The following LPO variants were observed in gnomAD, a reference collection of about 807,000 sequenced individuals.
LPO encodes salivary peroxidase.
LPO carries 70 observed loss-of-function variants against 68.4 expected under a neutral mutation model. The observed-to-expected ratio is 1.02, with a 90% CI of 0.84 to 1.25. The LOEUF (loss-of-function observed/expected upper bound fraction) is 1.25. LPO is among the 50% of genes most tolerant of loss of function. LPO has a pLI of 0.00. For missense variants in LPO, 873 were observed against 908.4 expected (o/e 0.96, Z 0.50); for synonymous variants, 360 against 357.6 (o/e 1.01, Z -0.08).
rs1032658940 is a variant in LPO, at chr17:58,238,735, G to A, written c.-7G>A. 1.3e-5 allele frequency: 2 copies of A among 152,112 alleles called. No homozygotes were observed. Among genetic ancestry groups the A allele is most frequent in the Admixed American group, 6.5e-5 (1 of 15,270 alleles). 9.4% of individuals were successfully genotyped at this position (152,112 alleles called of 1,614,324 possible). A position where few individuals can be genotyped will look rare whatever the true frequency, so the allele number is the denominator to read the frequency against. On this transcript the variant is annotated 5_prime_UTR_variant, in exon 1 of 13. Coordinates refer to ENST00000262290, the MANE Select transcript of LPO (RefSeq NM_006151.3). The stretch of plus-strand genomic sequence containing the variant: ...GCTGCCGTGAAAAGACAAGGCACTG[G>A]GCAGGTAAGACTCGTCAACTTTCAT...
chr17:58,241,006 T>G (rs566964459), intron 1 of LPO, among the ~76,000 whole-genome samples: 1 of 152,098 alleles, frequency 6.6e-6, no homozygotes, highest in Non-Finnish European at 1.5e-5. Context: ...GTTCTAGAGA[T>G]CCATTGTGCA....
At position 58,252,257 on chromosome 17, in the gene LPO, A is replaced by G. The variant is rs1969972418; in HGVS notation, c.856A>G (p.Thr286Ala). 6.2e-7 allele frequency: 1 copy of G among 1,613,418 alleles called. No homozygotes were observed. The highest frequency in any genetic ancestry group is 1.7e-5 in the Admixed American group (1 of 59,948). Residue 286 changes from threonine (T) to alanine (A), a missense_variant, in exon 8 of 13, where the codon ACT becomes GCT. Physicochemically the swap from Thr to Ala is moderately conservative, Grantham distance 58. Transcript: ENST00000262290. ...CTTCCGAGCTGGGTTCGTCTGCCCC[A>G]CTCCACCCTACAAGTCCCTGGCCCG... ...PFFRAGFVCP[T>A]PPYKSLAREQ...
chr17:58,250,404 T>G lies in LPO; in HGVS notation c.574-11T>G, dbSNP rs748661703. ...CTCTAATCTGCCCTCCCCTTCTCTC[T>G]CCATCTGTAGGCCCGGGAGGTATCT... On this transcript the variant is annotated splice_polypyrimidine_tract_variant and intron_variant, in intron 6 of 12. Coordinates refer to ENST00000262290, the MANE Select transcript of LPO (RefSeq NM_006151.3). The G allele has an allele frequency of 1.9e-6, 3 of 1,612,358 alleles. No individual in the cohort carries two copies. The African/African-American group carries it at 4.0e-5, about 22-fold the overall frequency.
At chr17:58,252,145 A>AC (rs1458802366) in intron 7 of LPO, 37 bp from the exon 8 acceptor site, 1 of 1,593,886 alleles carries the variant, frequency 6.3e-7, no homozygotes, top group Admixed American at 1.7e-5. Context: ...CAGCTGTTCC[A>AC]CCCCTGCCCA....
Position 58,250,523 on chromosome 17 carries a change from C to T in LPO, c.682C>T (p.Leu228=), listed in dbSNP as rs781196130. 3 of 1,614,152 alleles carry T rather than the reference C, an allele frequency of 1.9e-6. No homozygotes were observed. Among genetic ancestry groups the T allele is most frequent in the Non-Finnish European group, 2.5e-6 (3 of 1,180,020 alleles). ...MQWGQIVDHD[L]DFAPDTELGS... ...GTGGGGTCAGATTGTGGATCATGAC[C>T]TGGACTTTGCCCCTGACACCGAGCT... Residue 228 remains leucine (L), a synonymous_variant, in exon 7 of 13, where the codon CTG becomes TTG. Coordinates refer to ENST00000262290, the MANE Select transcript of LPO (RefSeq NM_006151.3).
intron 8 of LPO, among the ~76,000 whole-genome samples, chr17:58,253,915 A>G (rs1970011482): frequency 6.6e-6 from 1 of 152,148 alleles, no homozygotes; most frequent in Non-Finnish European, 1.5e-5. Context: ...GTTCGAGAAC[A>G]GCCTGGGCAA....
Position 58,266,281 on chromosome 17 carries a change from C to A in LPO, c.1648C>A (p.Leu550Met). 6.2e-7 allele frequency: 1 copy of A among 1,614,146 alleles called. No individual in the cohort carries two copies. Among genetic ancestry groups the A allele is most frequent in the Non-Finnish European group, 8.5e-7 (1 of 1,180,034 alleles). ...QPTHRIHGFD[L>M]AAINTQRCRD... Reference sequence around the variant, plus strand: ...AACTCACAGGATCCATGGCTTTGACCTGGCTGCCATCAACACACAGCGTTG... The same window carrying A: ...AACTCACAGGATCCATGGCTTTGACATGGCTGCCATCAACACACAGCGTTG... Residue 550 changes from leucine (L) to methionine (M), a missense_variant, in exon 11 of 13, where the codon CTG (leucine) becomes ATG (methionine). Coordinates refer to ENST00000262290, the MANE Select transcript of LPO (RefSeq NM_006151.3).
intron 1 of LPO, among the ~76,000 whole-genome samples, chr17:58,239,244 C>T (rs1313131094): frequency 2.0e-5 from 3 of 149,632 alleles, no homozygotes; most frequent in African/African-American, 7.4e-5. Flanking sequence ...CTCATGCCTG[C>T]CATCTGCAGC....
chr17:58,248,742 G>A (rs779843991), intron 4 of LPO, among the ~76,000 whole-genome samples: 40 of 152,118 alleles, frequency 2.6e-4, no homozygotes, highest in Non-Finnish European at 5.3e-4. Context: ...CTAAAAGAAA[G>A]ATCTGTCAAT....
At position 58,252,493 on chromosome 17, in the gene LPO, C is replaced by G. The variant is rs772523321; in HGVS notation, c.1092C>G (p.Pro364=). The G allele has an allele frequency of 5.0e-6, 8 of 1,611,256 alleles. No individual in the cohort carries two copies. The highest frequency in any genetic ancestry group is 6.8e-6 in the Non-Finnish European group (8 of 1,178,038). The change falls in exon 8 of 13, where the codon CCC becomes CCG. Residue 364 remains proline, a synonymous_variant. Coordinates refer to ENST00000262290, the MANE Select transcript of LPO (RefSeq NM_006151.3). ...CEFINTTARV[P]CFLAGDSRAS... is the part of the protein sequence containing the mutation. The stretch of plus-strand genomic sequence containing the variant: ...TCATCAACACCACTGCCCGTGTGCC[C>G]TGCTTCCTGGCAGGTGAGTCTAGCC...
intron 9 of LPO, among the ~76,000 whole-genome samples, chr17:58,261,844 G>T (rs1165415018): frequency 6.6e-6 from 1 of 152,120 alleles, no homozygotes; most frequent in Non-Finnish European, 1.5e-5. Context: ...AATAAAGATA[G>T]AGAGAGAGAT....
chr17:58,244,321 A>C, intron 3 of LPO: 1 of 519,672 alleles, frequency 1.9e-6, no homozygotes. Flanking sequence ...CATCTAATCT[A>C]ACCCTAGAAG....
At chr17:58,247,769 T>TCTGCCTGTC in intron 4 of LPO, 131 bp downstream of exon 4, 1 of 1,039,620 alleles carries the variant, frequency 9.6e-7, no homozygotes, top group Admixed American at 2.7e-5. Context: ...CTCTCCCTTC[T>TCTGCCTGTC]TAGACCCGTA....
chr17:58,241,132 T>C (rs8080395), intron 1 of LPO, among the ~76,000 whole-genome samples: 82 of 121,224 alleles, frequency 6.8e-4, no homozygotes, highest in African/African-American at 2.3e-3. Flanking sequence ...TTTCTTTTTT[T>C]TTTTTTTTTT....
At chr17:58,258,126 T>C (rs1970105107) in intron 9 of LPO, among the ~76,000 whole-genome samples, 1 of 152,232 alleles carries the variant, frequency 6.6e-6, no homozygotes, top group Admixed American at 6.5e-5. Context: ...TCCTTTGTTG[T>C]GCAGAAGCTT....
chr17:58,250,569 A>G lies in LPO; in HGVS notation c.728A>G (p.Lys243Arg), dbSNP rs868634352. 2 of 1,614,100 alleles carry G rather than the reference A, an allele frequency of 1.2e-6. No individual in the cohort carries two copies. Among genetic ancestry groups the G allele is most frequent in the Non-Finnish European group, 1.7e-6 (2 of 1,180,018 alleles). ...DTELGSSEYSKAQCDEYCIQG... is the reference protein window; with the variant it reads ...DTELGSSEYSRAQCDEYCIQG... ...GAGCTGGGGAGTAGCGAGTACTCCA[A>G]AGCCCAGTGTGATGAGTACTGTATC... The change falls in exon 7 of 13, where the codon AAA (lysine) becomes AGA (arginine). Residue 243 changes from lysine to arginine, a missense_variant. Coordinates refer to ENST00000262290, the MANE Select transcript of LPO (RefSeq NM_006151.3).
chr17:58,266,101 T>C, intron 10 of LPO, 52 bp from the exon 11 acceptor site: 1 of 1,561,512 alleles, frequency 6.4e-7, no homozygotes, highest in Non-Finnish European at 8.7e-7. Flanking sequence ...CCATGAATGA[T>C]GTTCCCACTC....
At chr17:58,258,108 T>G (rs921440496) in intron 9 of LPO, among the ~76,000 whole-genome samples, 4 of 152,228 alleles carry the variant, frequency 2.6e-5, no homozygotes, top group African/African-American at 9.6e-5. Context: ...TTCACTTTGT[T>G]GATTGTATCC....
At chr17:58,267,709 A>C (rs1970299244) in intron 12 of LPO, 78 bp from the exon 13 acceptor site, 1 of 1,491,294 alleles carries the variant, frequency 6.7e-7, no homozygotes, top group Non-Finnish European at 9.3e-7. Flanking sequence ...GGTCCCTGTG[A>C]CCCTTTCCTT....
Sources: gnomAD v4.1 joint callset for allele counts (sites outside exome capture counted in the v4.1 genomes callset) on GRCh38, gnomAD v4.1.1 for gene constraint, MANE v1.5 for transcripts, NCBI Gene and HGNC (gene_info 2026-07-23, HGNC 2026-07-21) for gene names.